Variants in CDH10 observed in about 807,000 individuals in gnomAD.
CDH10 encodes the protein cadherin-10.
In CDH10, 30 loss-of-function variants were observed where a neutral mutation model predicts 73.1. The observed-to-expected ratio is 0.41, with a 90% CI of 0.31 to 0.56. The LOEUF (loss-of-function observed/expected upper bound fraction) is 0.56. Ranked by LOEUF, CDH10 falls within the 20% of genes least tolerant of loss-of-function variation. CDH10 has a pLI of 0.27. For missense variants in CDH10, 815 were observed against 973.7 expected (o/e 0.84, Z 2.17); for synonymous variants, 345 against 348.2 (o/e 0.99, Z 0.10).
Position 24,537,779 on chromosome 5 carries a change from C to T in CDH10, c.232-105G>A, listed in dbSNP as rs926944625. 1.2e-4 allele frequency: 78 copies of T among 658,758 alleles called. 1 individual carries two copies. In the East Asian group the frequency reaches 1.4e-3, roughly 11 times the overall value. 40.8% of individuals were successfully genotyped at this position (658,758 alleles called of 1,614,324 possible). ...ATGTCTCATCACTGAGCAACGGGGT[C>T]GGCTATCCTACTTCTTGAAATGAGA... is the stretch of plus-strand genomic sequence containing the variant. On this transcript the variant is annotated intron_variant, in intron 2 of 11. Transcript: ENST00000264463.
At chr5:24,575,725 T>C (rs1037828384) in intron 2 of CDH10, among the ~76,000 whole-genome samples, 4 of 152,158 alleles carry the variant, frequency 2.6e-5, no homozygotes, top group African/African-American at 9.7e-5. Context: ...TTTCCAGTGA[T>C]GGAAATATTC....
chr5:24,615,469 C>T (rs1747097595), intron 1 of CDH10, among the ~76,000 whole-genome samples: 1 of 152,150 alleles, frequency 6.6e-6, no homozygotes, highest in Non-Finnish European at 1.5e-5. Flanking sequence ...GTACAGGAAA[C>T]TAGTTTTGAT....
intron 5 of CDH10, among the ~76,000 whole-genome samples, chr5:24,516,165 T>C (rs778058420): frequency 4.6e-5 from 7 of 152,184 alleles, no homozygotes; most frequent in Non-Finnish European, 7.3e-5. Context: ...TTCTTGTCAT[T>C]AGATTAAAGT....
intron 3 of CDH10, among the ~76,000 whole-genome samples, chr5:24,536,994 G>C (rs1049680911): frequency 9.9e-5 from 15 of 151,708 alleles, no homozygotes; most frequent in Non-Finnish European, 1.6e-4. Flanking sequence ...ATTATGACTA[G>C]AGTATATGTG....
chr5:24,641,990 A>C (rs1431453137), intron 1 of CDH10, among the ~76,000 whole-genome samples: 2 of 152,114 alleles, frequency 1.3e-5, no homozygotes, highest in Non-Finnish European at 2.9e-5. Context: ...AGTACTTCTA[A>C]TGTGACAGCA....
chr5:24,571,668 T>C (rs1461689127), intron 2 of CDH10, among the ~76,000 whole-genome samples: 1 of 151,944 alleles, frequency 6.6e-6, no homozygotes, highest in Non-Finnish European at 1.5e-5. Context: ...AGGTAGTCCA[T>C]ACATTATTAC....
chr5:24,620,720 C>T (rs1400662718), intron 1 of CDH10, among the ~76,000 whole-genome samples: 1 of 152,088 alleles, frequency 6.6e-6, no homozygotes, highest in Non-Finnish European at 1.5e-5. Context: ...ACTTATAGGG[C>T]AGAACAGGTT....
At chr5:24,535,657 T>C in intron 4 of CDH10, 46 bp downstream of exon 4, 2 of 1,564,200 alleles carry the variant, frequency 1.3e-6, no homozygotes, top group African/African-American at 1.4e-5. Flanking sequence ...CTGATAAAGG[T>C]CATAAAGATG....
chr5:24,615,652 T>C (rs1478999427), intron 1 of CDH10, among the ~76,000 whole-genome samples: 2 of 152,236 alleles, frequency 1.3e-5, no homozygotes, highest in East Asian at 3.8e-4. Context: ...AAGCCTGAAG[T>C]GTTGGTGAAT....
intron 2 of CDH10, among the ~76,000 whole-genome samples, chr5:24,563,353 C>T (rs11744678): frequency 0.83 from 125,525 of 151,436 alleles, 52,065 homozygotes; most frequent in East Asian, 0.9. Flanking sequence ...TTTCCACTTA[C>T]GCCTTTACAG....
chr5:24,612,798 T>C (rs989363452), intron 1 of CDH10: 1 of 152,206 alleles, frequency 6.6e-6, no homozygotes, highest in African/African-American at 2.4e-5. Context: ...GATTGATTAA[T>C]AGACATAAAT....
At chr5:24,554,940 C>A (rs1744713315) in intron 2 of CDH10, among the ~76,000 whole-genome samples, 1 of 151,808 alleles carries the variant, frequency 6.6e-6, no homozygotes, top group Admixed American at 6.6e-5. Context: ...TTGCTTCTTG[C>A]TCTCTCTTTA....
At chr5:24,582,755 AAC>A (rs1158300280) in intron 2 of CDH10, among the ~76,000 whole-genome samples, 4 of 152,242 alleles carry the variant, frequency 2.6e-5, no homozygotes, top group African/African-American at 4.8e-5. Flanking sequence ...AAATGCTTCA[AAC>A]ACATAGATGC....
intron 2 of CDH10, among the ~76,000 whole-genome samples, chr5:24,564,421 A>C (rs1318552144): frequency 1.3e-5 from 2 of 152,116 alleles, no homozygotes; most frequent in African/African-American, 4.8e-5. Context: ...AAGGCTGAAT[A>C]ATTAATCTTT....
chr5:24,513,120 G>A (rs2111776710), intron 5 of CDH10, among the ~76,000 whole-genome samples: 1 of 151,954 alleles, frequency 6.6e-6, no homozygotes, highest in Non-Finnish European at 1.5e-5. Flanking sequence ...CCGGGTTCAA[G>A]TGATTCTCGT....
chr5:24,639,605 C>T (rs752605718), intron 1 of CDH10, among the ~76,000 whole-genome samples: 5 of 151,542 alleles, frequency 3.3e-5, no homozygotes, highest in Non-Finnish European at 5.9e-5. Context: ...CCCAAATTTC[C>T]AACTGGAAAC....
chr5:24,560,130 A>T (rs1336844801), intron 2 of CDH10, among the ~76,000 whole-genome samples: 2 of 151,926 alleles, frequency 1.3e-5, no homozygotes, highest in Non-Finnish European at 2.9e-5. Flanking sequence ...TTAAAGTGAG[A>T]TTTCTTCTTT....
At chr5:24,627,698 T>A (rs1747558450) in intron 1 of CDH10, among the ~76,000 whole-genome samples, 1 of 152,192 alleles carries the variant, frequency 6.6e-6, no homozygotes, top group African/African-American at 2.4e-5. Flanking sequence ...CAAATCACTC[T>A]GTACATTGTC....
chr5:24,507,202 A>T (rs147277980), intron 7 of CDH10, among the ~76,000 whole-genome samples: 1,680 of 152,018 alleles, frequency 0.011, 37 homozygotes, highest in African/African-American at 0.038. Flanking sequence ...ATATTTTTTA[A>T]ATATATATAT....
Sources: gnomAD v4.1 joint callset for allele counts (sites outside exome capture counted in the v4.1 genomes callset) on GRCh38, gnomAD v4.1.1 for gene constraint, MANE v1.5 for transcripts, NCBI Gene and HGNC (gene_info 2026-07-23, HGNC 2026-07-21) for gene names.